CLVS1: variants seen among roughly 807,000 people sequenced by gnomAD.
The protein encoded by CLVS1 is clavesin 1.
CLVS1 carries 10 observed loss-of-function variants against 33.1 expected under a neutral mutation model. That is an observed-to-expected ratio of 0.30 (90% CI 0.19 to 0.51). CLVS1 has a LOEUF of 0.51. CLVS1 is among the 20% of genes least tolerant of loss of function. The pLI is 0.97. For synonymous variants in CLVS1, 163 were observed against 166.1 expected (o/e 0.98, Z 0.14); for missense variants, 343 against 433.4 (o/e 0.79, Z 1.85).
chr8:61,173,493 C>G (rs183554645), intron 2 of CLVS1, among the ~76,000 whole-genome samples: 4 of 152,170 alleles, frequency 2.6e-5, no homozygotes, highest in African/African-American at 9.7e-5. Flanking sequence ...ATGCTGTGAA[C>G]TTTCCTCTTA....
At chr8:61,285,425 T>A (rs894603395), upstream of CLVS1, among the ~76,000 whole-genome samples, 6 of 152,196 alleles carry the variant, frequency 3.9e-5, no homozygotes, top group Non-Finnish European at 7.3e-5. Flanking sequence ...ATTGTGCTGA[T>A]GTTTTGCACA....
At chr8:61,479,247 T>C (rs1818083929) in intron 5 of CLVS1, among the ~76,000 whole-genome samples, 1 of 152,222 alleles carries the variant, frequency 6.6e-6, no homozygotes, top group Admixed American at 6.5e-5. Flanking sequence ...TCTTTTCACA[T>C]AGTCCCATAC....
chr8:61,081,016 A>T (rs1311967594), intron 1 of CLVS1, among the ~76,000 whole-genome samples: 1 of 152,226 alleles, frequency 6.6e-6, no homozygotes, highest in Non-Finnish European at 1.5e-5. Flanking sequence ...TGTTCAGAAA[A>T]TGTCTACAAT....
upstream of CLVS1, among the ~76,000 whole-genome samples, chr8:61,052,530 G>A (rs867836547): frequency 2.6e-5 from 1 of 38,412 alleles, no homozygotes; most frequent in Non-Finnish European, 4.2e-5. Context: ...AAGAGGACTA[G>A]GGAGGGAGTC....
chr8:61,140,140 T>C (rs569796350), intron 2 of CLVS1, among the ~76,000 whole-genome samples: 1 of 152,198 alleles, frequency 6.6e-6, no homozygotes, highest in Non-Finnish European at 1.5e-5. Context: ...CAGGAGGCGG[T>C]CACTGTGAGA....
upstream of CLVS1, among the ~76,000 whole-genome samples, chr8:61,055,461 T>A (rs1434379530): frequency 6.6e-6 from 1 of 152,208 alleles, no homozygotes; most frequent in Non-Finnish European, 1.5e-5. Flanking sequence ...TTTACTTTGG[T>A]CTTCCCCATA....
intron 2 of CLVS1, among the ~76,000 whole-genome samples, chr8:61,204,913 A>T (rs1014167438): frequency 6.6e-6 from 1 of 152,218 alleles, no homozygotes; most frequent in Admixed American, 6.5e-5. Flanking sequence ...TTGAGGATGT[A>T]TGTGTTTCAA....
chr8:60,971,836 TCACCCC>T, the CLVS1 span, among the ~76,000 whole-genome samples: 1 of 152,102 alleles, frequency 6.6e-6, no homozygotes. Context: ...GAAGTATACA[TCACCCC>T]CACCCCCACC....
chr8:61,448,632 T>C (rs1239668941), intron 3 of CLVS1, among the ~76,000 whole-genome samples: 4 of 151,978 alleles, frequency 2.6e-5, no homozygotes, highest in Admixed American at 6.6e-5. Flanking sequence ...TCCCAGGAAT[T>C]TGGGAGGCTG....
At chr8:61,313,366 A>G (rs1810905556) in intron 2 of CLVS1, among the ~76,000 whole-genome samples, 1 of 152,198 alleles carries the variant, frequency 6.6e-6, no homozygotes, top group Non-Finnish European at 1.5e-5. Flanking sequence ...AAGGACCCAC[A>G]TAGTGACAGT....
the CLVS1 span, among the ~76,000 whole-genome samples, chr8:61,049,307 T>A: frequency 6.6e-6 from 1 of 152,222 alleles, no homozygotes; most frequent in Admixed American, 6.5e-5. Flanking sequence ...ATTAGGGATC[T>A]CTATAGCAAT....
chr8:61,435,458 C>T (rs939563477), intron 3 of CLVS1, among the ~76,000 whole-genome samples: 14 of 151,994 alleles, frequency 9.2e-5, no homozygotes, highest in African/African-American at 2.7e-4. Context: ...TTTCATTCTT[C>T]GGCACAATTC....
intron 1 of CLVS1, among the ~76,000 whole-genome samples, chr8:61,299,282 A>G (rs1810341140): frequency 6.6e-6 from 1 of 152,168 alleles, no homozygotes. Flanking sequence ...TACCATAGCT[A>G]TAATTTCTCT....
chr8:61,069,660 A>G (rs1025840157), intron 1 of CLVS1, among the ~76,000 whole-genome samples: 2 of 151,994 alleles, frequency 1.3e-5, no homozygotes, highest in African/African-American at 2.4e-5. Flanking sequence ...TCCCAACACT[A>G]TACCCTCATT....
chr8:60,998,434 G>T, the CLVS1 span, among the ~76,000 whole-genome samples: 20 of 152,212 alleles, frequency 1.3e-4, no homozygotes, highest in Admixed American at 1.2e-3. Context: ...TGCCCTGGTG[G>T]TGAGGGGTAA....
At chr8:61,372,254 A>C (rs1322452640) in intron 2 of CLVS1, among the ~76,000 whole-genome samples, 2 of 152,078 alleles carry the variant, frequency 1.3e-5, no homozygotes, top group African/African-American at 4.8e-5. Context: ...GAATGAAGAA[A>C]CTCTAGAAAT....
At chr8:61,305,931 A>G (rs370239523) in intron 2 of CLVS1, among the ~76,000 whole-genome samples, 1 of 152,124 alleles carries the variant, frequency 6.6e-6, no homozygotes, top group Admixed American at 6.6e-5. Context: ...GTGTATATCC[A>G]GTCTATCAGT....
At chr8:61,190,654 A>C (rs1002600766) in intron 2 of CLVS1, among the ~76,000 whole-genome samples, 6 of 152,228 alleles carry the variant, frequency 3.9e-5, no homozygotes, top group African/African-American at 1.4e-4. Context: ...AAAAGAGAGA[A>C]GAATCAAATA....
intron 1 of CLVS1, among the ~76,000 whole-genome samples, chr8:61,118,718 T>C (rs1323460043): frequency 2.0e-5 from 3 of 152,066 alleles, no homozygotes; most frequent in African/African-American, 7.3e-5. Context: ...CTAGTTTGAT[T>C]GCACTGTGGT....
Sources: gnomAD v4.1 joint callset for allele counts (sites outside exome capture counted in the v4.1 genomes callset) on GRCh38, gnomAD v4.1.1 for gene constraint, MANE v1.5 for transcripts, NCBI Gene and HGNC (gene_info 2026-07-23, HGNC 2026-07-21) for gene names.